Variants in NCAPH observed in about 807,000 individuals in gnomAD.
NCAPH encodes the protein non-SMC condensin I complex subunit H.
In NCAPH, 38 loss-of-function variants were observed where a neutral mutation model predicts 85.5. The observed-to-expected ratio is 0.44, with a 90% CI of 0.34 to 0.58. NCAPH has a LOEUF of 0.58. Ranked by LOEUF, NCAPH falls within the 20% of genes least tolerant of loss-of-function variation. The pLI is 0.01. For synonymous variants in NCAPH, 301 were observed against 335.1 expected, an observed-to-expected ratio of 0.90 and a Z score of 1.11; for missense variants, 789 against 916.6, an observed-to-expected ratio of 0.86 and a Z score of 1.80.
intron 1 of NCAPH, among the ~76,000 whole-genome samples, chr2:96,336,956 G>A (rs765306228): frequency 1.4e-4 from 22 of 152,196 alleles, no homozygotes; most frequent in Non-Finnish European, 2.9e-4. Flanking sequence ...AATGCTGCTG[G>A]ATTCCAAGAG....
chr2:96,369,984 G>A (rs1037412745), intron 17 of NCAPH, among the ~76,000 whole-genome samples: 4 of 152,228 alleles, frequency 2.6e-5, no homozygotes, highest in Non-Finnish European at 5.9e-5. Context: ...ATCCTGAAGT[G>A]CCAGCTGGGT....
chr2:96,346,174 A>G (rs947799283), intron 6 of NCAPH, among the ~76,000 whole-genome samples: 1 of 151,844 alleles, frequency 6.6e-6, no homozygotes, highest in Non-Finnish European at 1.5e-5. Context: ...GTTTGGGTGC[A>G]CTCATGGGGG....
chr2:96,346,786 G>A (rs571656723), intron 6 of NCAPH, among the ~76,000 whole-genome samples: 1 of 152,148 alleles, frequency 6.6e-6, no homozygotes, highest in African/African-American at 2.4e-5. Context: ...GAGCAGGCAA[G>A]GGAGCAAATG....
intron 9 of NCAPH, 64 bp from the exon 10 acceptor site, chr2:96,358,981 G>A: frequency 6.6e-7 from 1 of 1,520,456 alleles, no homozygotes. Context: ...GCGGACATAT[G>A]CTTCATATGT....
At chr2:96,353,273 A>T in intron 7 of NCAPH, 33 bp from the exon 8 acceptor site, 1 of 1,584,242 alleles carries the variant, frequency 6.3e-7, no homozygotes, top group Non-Finnish European at 8.7e-7. Context: ...ACCCCCTTCT[A>T]ATCTCTCTTT....
intron 15 of NCAPH, 24 bp from the exon 16 acceptor site, chr2:96,368,948 G>T: frequency 6.5e-7 from 1 of 1,548,932 alleles, no homozygotes; most frequent in Non-Finnish European, 8.7e-7. Context: ...CTAACTGTCC[G>T]ATGTATAAAT....
At chr2:96,349,598 T>A (rs1010077918) in intron 6 of NCAPH, among the ~76,000 whole-genome samples, 1 of 152,122 alleles carries the variant, frequency 6.6e-6, no homozygotes, top group Non-Finnish European at 1.5e-5. Flanking sequence ...GCCATGCTGG[T>A]CTCAAACTCC....
intron 16 of NCAPH, 134 bp downstream of exon 16, chr2:96,369,197 T>G: frequency 1.0e-6 from 1 of 984,532 alleles, no homozygotes; most frequent in Non-Finnish European, 1.5e-6. Flanking sequence ...TGTTGACAGA[T>G]AATACAGACC....
chr2:96,372,077 G>C (rs1297164897), intron 17 of NCAPH, among the ~76,000 whole-genome samples: 1 of 152,258 alleles, frequency 6.6e-6, no homozygotes, highest in Non-Finnish European at 1.5e-5. Flanking sequence ...AAAGGTGCGA[G>C]TGACTGTTGA....
intron 6 of NCAPH, among the ~76,000 whole-genome samples, chr2:96,345,062 A>G (rs1469051107): frequency 6.6e-6 from 1 of 152,266 alleles, no homozygotes; most frequent in East Asian, 1.9e-4. Context: ...TTGGTCACCA[A>G]GGAAATGAAT....
At chr2:96,370,331 G>A (rs2064756358) in intron 17 of NCAPH, among the ~76,000 whole-genome samples, 1 of 152,258 alleles carries the variant, frequency 6.6e-6, no homozygotes, top group African/African-American at 2.4e-5. Flanking sequence ...AGGAGGAGGG[G>A]GTGGGCACTG....
chr2:96,346,231 A>G (rs1442274880), intron 6 of NCAPH, among the ~76,000 whole-genome samples: 2 of 152,094 alleles, frequency 1.3e-5, no homozygotes, highest in Non-Finnish European at 2.9e-5. Context: ...TCATCAGCTT[A>G]CAGTGAGGAT....
chr2:96,344,009 T>G lies in NCAPH; in HGVS notation c.596-96T>G, dbSNP rs200715755. ...GAGCCACCACACCTGGCCTCACATG[T>G]TTAAATTACGACAGGTTTTGAAGAA... On this transcript the variant is annotated intron_variant, in intron 5 of 17. Coordinates refer to ENST00000240423, the MANE Select transcript of NCAPH (RefSeq NM_015341.5). The G allele has an allele frequency of 6.7e-6, 10 of 1,484,028 alleles. No individual in the cohort carries two copies. The East Asian group carries it at 2.1e-4, about 31-fold the overall frequency. The allele number at this position is 1,484,028 out of a possible 1,614,324, so 91.9% of individuals were successfully genotyped here. A position where few individuals can be genotyped will look rare whatever the true frequency, so the allele number is the denominator to read the frequency against.
chr2:96,369,601 T>A, intron 17 of NCAPH, 101 bp downstream of exon 17: 2 of 1,233,684 alleles, frequency 1.6e-6, no homozygotes, highest in Non-Finnish European at 2.4e-6. Context: ...ATAGGATTTC[T>A]TAAATACAGT....
At chr2:96,347,174 T>G (rs2064372577) in intron 6 of NCAPH, among the ~76,000 whole-genome samples, 1 of 151,868 alleles carries the variant, frequency 6.6e-6, no homozygotes, top group Non-Finnish European at 1.5e-5. Context: ...TGTAGGCCAC[T>G]GGTTTGACGG....
At chr2:96,351,530 G>A (rs193231922) in intron 6 of NCAPH, among the ~76,000 whole-genome samples, 128 of 152,216 alleles carry the variant, frequency 8.4e-4, no homozygotes, top group African/African-American at 2.7e-3. Context: ...TTAGCCAGAT[G>A]TAGTGGTGCG....
intron 9 of NCAPH, among the ~76,000 whole-genome samples, chr2:96,355,127 G>T (rs1166103193): frequency 6.6e-6 from 1 of 152,162 alleles, no homozygotes. Flanking sequence ...TTAAATTTTT[G>T]ATTACCCTAG....
chr2:96,356,948 T>G (rs1558797554), intron 9 of NCAPH, among the ~76,000 whole-genome samples: 1 of 152,216 alleles, frequency 6.6e-6, no homozygotes, highest in Non-Finnish European at 1.5e-5. Context: ...AGGACTGGTC[T>G]GCAAAAGTGC....
rs1215854800 is a variant in NCAPH at position 96,374,631 on chromosome 2, A to G, written c.*1280A>G. 6.6e-6 allele frequency among the ~76,000 whole-genome samples: 1 copy of G among 152,202 alleles called. No individual in the cohort carries two copies. The highest frequency in any genetic ancestry group is 1.9e-4 in the East Asian group (1 of 5,200). ...AAAATAATCCCCTCCCCACAGGAATATGCTTTCCAAATTGTGTCCAAAACA... is the reference window on the plus strand; with the variant it reads ...AAAATAATCCCCTCCCCACAGGAATGTGCTTTCCAAATTGTGTCCAAAACA... On this transcript the variant is annotated 3_prime_UTR_variant, in exon 18 of 18. Transcript: ENST00000240423.
Sources: gnomAD v4.1 joint callset for allele counts (sites outside exome capture counted in the v4.1 genomes callset) on GRCh38, gnomAD v4.1.1 for gene constraint, MANE v1.5 for transcripts, NCBI Gene and HGNC (gene_info 2026-07-23, HGNC 2026-07-21) for gene names.